KCTD8: variants seen among roughly 807,000 people sequenced by gnomAD.
KCTD8 encodes BTB/POZ domain-containing protein KCTD8.
Under a neutral mutation model 31.5 loss-of-function variants are expected in KCTD8, and 27 were observed. The ratio of observed to expected loss-of-function variants is 0.86; its 90% CI spans 0.63 to 1.18. The LOEUF (loss-of-function observed/expected upper bound fraction) is 1.18. KCTD8 is among the 50% of genes most tolerant of loss of function. The pLI is 0.00. For missense variants in KCTD8, 658 were observed against 647.7 expected (o/e 1.02, Z -0.17); for synonymous variants, 290 against 280.0 (o/e 1.04, Z -0.36).
At chr4:44,387,984 T>A (rs1720265840) in intron 1 of KCTD8, among the ~76,000 whole-genome samples, 1 of 147,844 alleles carries the variant, frequency 6.8e-6, no homozygotes, top group Admixed American at 6.8e-5. Flanking sequence ...GGTCTAACAT[T>A]CATCATCTAT....
In KCTD8 at chr4:44,448,368, G is replaced by A; in HGVS notation, c.156C>T (p.Gly52=). 4 of 1,592,046 alleles carry A rather than the reference G, an allele frequency of 2.5e-6. No homozygotes were observed. The highest frequency in any genetic ancestry group is 3.4e-6 in the Non-Finnish European group (4 of 1,170,106). Residue 52 remains glycine (G), a synonymous_variant, in exon 1 of 2, where the codon GGC becomes GGT. Coordinates refer to ENST00000360029, the MANE Select transcript of KCTD8 (RefSeq NM_198353.3). The surrounding 1 kb of genome is among the most constrained non-coding windows in gnomAD (Gnocchi z 4.1). ...TCGAGTGCTTGGTCACATAAACCTG[G>A]CCGCCTACGTTCAGCTCCACTACTT... ...FPEVVELNVG[G]QVYVTKHSTL...
intron 1 of KCTD8, among the ~76,000 whole-genome samples, chr4:44,273,026 C>A (rs1336192943): frequency 6.6e-6 from 1 of 151,892 alleles, no homozygotes; most frequent in Non-Finnish European, 1.5e-5. Context: ...TCTCACTTGA[C>A]TTGAAGAGTT....
At chr4:44,293,611 G>C (rs908850330) in intron 1 of KCTD8, 2 of 345,876 alleles carry the variant, frequency 5.8e-6, no homozygotes, top group African/African-American at 2.2e-5. Context: ...TAGATTTCTA[G>C]TCTTTAATTT....
intron 1 of KCTD8, among the ~76,000 whole-genome samples, chr4:44,229,819 T>C (rs1053869392): frequency 1.4e-5 from 2 of 143,544 alleles, no homozygotes; most frequent in African/African-American, 5.0e-5. Context: ...CTTAAGGATT[T>C]TTTTTTCTTT....
Position 44,448,193 on chromosome 4 carries a change from C to T in KCTD8, c.331G>A (p.Asp111Asn), listed in dbSNP as rs1016600855. ...RDGFLFRYVL[D>N]YLRDKQLALP... The stretch of plus-strand genomic sequence containing the variant: ...GCGAGTTGCTTGTCCCGCAGATAAT[C>T]CAGCACGTACCTGAAAAGGAAGCCG... The change falls in exon 1 of 2, where the codon GAT (aspartate) becomes AAT (asparagine). Residue 111 changes from aspartate (D) to asparagine (N), a missense_variant. Coordinates refer to ENST00000360029, the MANE Select transcript of KCTD8 (RefSeq NM_198353.3). The surrounding 1 kb of genome is among the most constrained non-coding windows in gnomAD (Gnocchi z 4.1). The T allele has an allele frequency of 2.5e-6, 4 of 1,612,362 alleles. No homozygotes were observed. The highest frequency in any genetic ancestry group is 3.4e-6 in the Non-Finnish European group (4 of 1,179,740).
chr4:44,184,549 G>A (rs1713524580), intron 1 of KCTD8, among the ~76,000 whole-genome samples: 1 of 152,070 alleles, frequency 6.6e-6, no homozygotes, highest in Admixed American at 6.5e-5. Context: ...CCCTGAACTT[G>A]TTAATTTTTA....
At chr4:44,401,219 T>C (rs900167495) in intron 1 of KCTD8, among the ~76,000 whole-genome samples, 10 of 152,042 alleles carry the variant, frequency 6.6e-5, no homozygotes, top group Admixed American at 2.6e-4. Flanking sequence ...TGTAGGCATA[T>C]GGGTGCAGAA....
Position 44,324,073 on chromosome 4 carries a change from C to CA in KCTD8, c.961+123489dup, listed in dbSNP as rs1170127314. ...AAAAAAAAAACAAAACAAAACAAAA[C>CA]AAAAAAAAAAGGAAACCAAATTTTT... On this transcript the variant is annotated intron_variant, in intron 1 of 1. Transcript: ENST00000360029. Among the ~76,000 whole-genome samples, 234 of 136,040 alleles carry CA rather than the reference C, an allele frequency of 1.7e-3. 4 individuals carry two copies. The highest frequency in any genetic ancestry group is 5.9e-3 in the African/African-American group (206 of 35,160). The allele number at this position is 136,040 out of a possible 152,430, so 89.2% of individuals were successfully genotyped here.
chr4:44,283,373 G>A (rs1320826265), intron 1 of KCTD8, among the ~76,000 whole-genome samples: 8 of 151,958 alleles, frequency 5.3e-5, no homozygotes, highest in Non-Finnish European at 8.8e-5. Context: ...TGAATAAAAC[G>A]GTGGAAGAAG....
intron 1 of KCTD8, among the ~76,000 whole-genome samples, chr4:44,240,700 A>G (rs1715433962): frequency 6.6e-6 from 1 of 152,122 alleles, no homozygotes; most frequent in Non-Finnish European, 1.5e-5. Context: ...CTGTGACAGG[A>G]ATCAAGTATC....
At chr4:44,291,722 G>T (rs116072248) in intron 1 of KCTD8, among the ~76,000 whole-genome samples, 1,978 of 152,040 alleles carry the variant, frequency 0.013, 49 homozygotes, top group African/African-American at 0.045. Flanking sequence ...CACAAACTAT[G>T]CATCTGAGAA....
At chr4:44,398,310 C>A (rs1031291164) in intron 1 of KCTD8, among the ~76,000 whole-genome samples, 1 of 152,196 alleles carries the variant, frequency 6.6e-6, no homozygotes, top group South Asian at 2.1e-4. Context: ...TGAAAGAGTT[C>A]ATGTGTCCTC....
chr4:44,400,720 C>A (rs1720627453), intron 1 of KCTD8, among the ~76,000 whole-genome samples: 1 of 116,520 alleles, frequency 8.6e-6, no homozygotes, highest in East Asian at 2.4e-4. Context: ...CAGAATGAGA[C>A]TCTGTCTCAA....
At chr4:44,226,590 G>C (rs1490887322) in intron 1 of KCTD8, among the ~76,000 whole-genome samples, 1 of 152,092 alleles carries the variant, frequency 6.6e-6, no homozygotes, top group South Asian at 2.1e-4. Flanking sequence ...GGTATTTCTG[G>C]TTCTAGATCC....
chr4:44,325,321 G>A (rs756339286), intron 1 of KCTD8, among the ~76,000 whole-genome samples: 46 of 151,916 alleles, frequency 3.0e-4, no homozygotes, highest in Non-Finnish European at 1.3e-4. Flanking sequence ...TCCTAGAACT[G>A]CCATATTCTA....
At chr4:44,272,048 C>A (rs999300189) in intron 1 of KCTD8, among the ~76,000 whole-genome samples, 6 of 151,212 alleles carry the variant, frequency 4.0e-5, no homozygotes, top group Non-Finnish European at 8.8e-5. Flanking sequence ...TTGAGGGCAT[C>A]ATGAAATGAG....
intron 1 of KCTD8, among the ~76,000 whole-genome samples, chr4:44,203,313 A>G (rs1202190013): frequency 1.3e-5 from 2 of 152,066 alleles, no homozygotes; most frequent in South Asian, 4.1e-4. Flanking sequence ...GACCAGCTTG[A>G]CCAACATGAT....
At chr4:44,394,913 G>A (rs17461093) in intron 1 of KCTD8, among the ~76,000 whole-genome samples, 10,197 of 152,122 alleles carry the variant, frequency 0.067, 425 homozygotes, top group South Asian at 0.11. Flanking sequence ...GACAATAGAG[G>A]CCTTAACTCT....
chr4:44,221,964 A>G (rs1211797016), intron 1 of KCTD8, among the ~76,000 whole-genome samples: 1 of 152,174 alleles, frequency 6.6e-6, no homozygotes, highest in East Asian at 1.9e-4. Context: ...ATTCCACTCA[A>G]AGAGTTTGCT....
Sources: gnomAD v4.1 joint callset for allele counts (sites outside exome capture counted in the v4.1 genomes callset) on GRCh38, gnomAD v4.1.1 for gene constraint, Gnocchi (gnomAD v3.1) non-coding constraint, MANE v1.5 for transcripts, NCBI Gene and HGNC (gene_info 2026-07-23, HGNC 2026-07-21) for gene names.